THUMPD2: variants seen among roughly 807,000 people sequenced by gnomAD.
THUMPD2 encodes U6 snRNA (guanine-N(2))-methyltransferase THUMPD2.
Under a neutral mutation model 49.4 loss-of-function variants are expected in THUMPD2, and 56 were observed. The observed-to-expected ratio is 1.13, with a 90% CI of 0.91 to 1.41. THUMPD2 has a LOEUF of 1.41. Among genes scored for constraint, THUMPD2 ranks in the 40% most tolerant of loss-of-function variants. The pLI, the probability that THUMPD2 is intolerant of heterozygous loss-of-function variation, is 0.00. For missense variants in THUMPD2, 709 were observed against 594.5 expected, an observed-to-expected ratio of 1.19 and a Z score of -2.00; for synonymous variants, 237 against 205.2, an observed-to-expected ratio of 1.15 and a Z score of -1.32.
chr2:39,765,361 T>C (rs532405635), intron 5 of THUMPD2, among the ~76,000 whole-genome samples: 17 of 152,124 alleles, frequency 1.1e-4, no homozygotes, highest in Non-Finnish European at 2.2e-4. Context: ...GACTTCACCA[T>C]GTTGGTCAGG....
chr2:39,743,027 C>T (rs1203450300), intron 9 of THUMPD2, among the ~76,000 whole-genome samples: 4 of 152,124 alleles, frequency 2.6e-5, no homozygotes, highest in African/African-American at 7.2e-5. Context: ...AAGATAATCC[C>T]TAAAGAAGCA....
At chr2:39,752,441 T>C (rs12712653) in intron 8 of THUMPD2, among the ~76,000 whole-genome samples, 3 of 151,994 alleles carry the variant, frequency 2.0e-5, no homozygotes, top group African/African-American at 7.3e-5. Flanking sequence ...GGGATTCACA[T>C]ATCTCAACAC....
intron 3 of THUMPD2, chr2:39,769,082 C>T (rs570297255): frequency 7.7e-7 from 1 of 1,304,216 alleles, no homozygotes; most frequent in East Asian, 5.5e-5. Flanking sequence ...GTGACAATCC[C>T]ATGTACAGGA....
chr2:39,744,473 G>GCAATTCTGAAATATAGAAAT lies in THUMPD2; in HGVS notation c.1079-15_1083dup (p.Pro362IlefsTer29). On this transcript the variant is annotated frameshift_variant, in exon 9 of 10. Coordinates refer to ENST00000505747, the MANE Select transcript of THUMPD2 (RefSeq NM_025264.5). LOFTEE classifies it high-confidence loss of function. ...ATATCAACACTTTCTGAAGGCAATG[G>GCAATTCTGAAATATAGAAAT]CAATTCTGAAATATAGAAATCAGAG... The GCAATTCTGAAATATAGAAAT allele has an allele frequency of 6.4e-7, 1 of 1,559,216 alleles. No individual in the cohort carries two copies. The highest frequency in any genetic ancestry group is 8.7e-7 in the Non-Finnish European group (1 of 1,155,170).
rs187578123 is a variant in THUMPD2, at chr2:39,747,239, A to G, written c.1079-2761T>C. On this transcript the variant is annotated intron_variant, in intron 8 of 9. Transcript: ENST00000505747. ...CCACTATTCTATTTTCAAATGCTCT[A>G]TAACATTTTATTGTGGCCAAAATAT... Among the ~76,000 whole-genome samples the G allele has an allele frequency of 2.2e-3, 340 of 152,332 alleles. 1 individual carries two copies. The highest frequency in any genetic ancestry group is 7.2e-3 in the African/African-American group (300 of 41,572).
intron 1 of THUMPD2, among the ~76,000 whole-genome samples, chr2:39,776,272 G>C (rs1291888225): frequency 6.6e-6 from 1 of 151,866 alleles, no homozygotes; most frequent in Non-Finnish European, 1.5e-5. Context: ...CAACGAGAGG[G>C]GAGAAAAAAC....
chr2:39,747,472 C>T (rs1200066175), intron 8 of THUMPD2, among the ~76,000 whole-genome samples: 1 of 152,102 alleles, frequency 6.6e-6, no homozygotes, highest in Non-Finnish European at 1.5e-5. Flanking sequence ...TGGATTGGGT[C>T]ACCATACAGT....
intron 8 of THUMPD2, among the ~76,000 whole-genome samples, chr2:39,754,095 C>A (rs919307700): frequency 6.6e-6 from 1 of 152,160 alleles, no homozygotes; most frequent in African/African-American, 2.4e-5. Context: ...AGTACTCCCT[C>A]CTTCATGCCT....
intron 1 of THUMPD2, among the ~76,000 whole-genome samples, chr2:39,772,948 T>C (rs1401177849): frequency 2.0e-5 from 3 of 152,152 alleles, no homozygotes; most frequent in Admixed American, 6.5e-5. Context: ...CCTGAGGAAG[T>C]GCTAGATTGG....
At chr2:39,742,791 G>A (rs149871619) in intron 9 of THUMPD2, among the ~76,000 whole-genome samples, 22 of 152,284 alleles carry the variant, frequency 1.4e-4, no homozygotes, top group South Asian at 4.1e-4. Context: ...TAGCGCCTTC[G>A]TGGGGAGGGG....
intron 9 of THUMPD2, 70 bp downstream of exon 9, chr2:39,744,300 A>C: frequency 1.2e-6 from 1 of 813,450 alleles, no homozygotes; most frequent in South Asian, 2.2e-5. Context: ...CCTTAACTGA[A>C]GAGCTATGAT....
intron 6 of THUMPD2, chr2:39,757,117 C>T (rs1410793768): frequency 9.5e-6 from 3 of 315,770 alleles, no homozygotes; most frequent in East Asian, 1.7e-4. Flanking sequence ...TGTACTCTTA[C>T]AGGAATGAGA....
chr2:39,759,078 T>C (rs1264564019), intron 6 of THUMPD2, among the ~76,000 whole-genome samples: 1 of 151,864 alleles, frequency 6.6e-6, no homozygotes, highest in African/African-American at 2.4e-5. Context: ...AGGGCCAAAA[T>C]ATAAAGAGAG....
intron 5 of THUMPD2, among the ~76,000 whole-genome samples, chr2:39,764,642 T>G (rs59757140): frequency 0.016 from 2,397 of 152,334 alleles, 48 homozygotes; most frequent in East Asian, 0.069. Context: ...TTTCTTCTGT[T>G]GTTAGGGTCA....
At chr2:39,739,666 T>C (rs138946628) in intron 9 of THUMPD2, among the ~76,000 whole-genome samples, 228 of 152,228 alleles carry the variant, frequency 1.5e-3, no homozygotes, top group Middle Eastern at 0.014. Context: ...TCCAAACGTG[T>C]CTGGGGAAGG....
At position 39,737,064 on chromosome 2, in the gene THUMPD2, G is replaced by C. The variant is rs371461123; in HGVS notation, c.1188-5C>G. The C allele has an allele frequency of 5.8e-5, 91 of 1,565,534 alleles. No homozygotes were observed. In the African/African-American group the frequency reaches 1.2e-3, roughly 21 times the overall value. On this transcript the variant is annotated splice_region_variant and splice_polypyrimidine_tract_variant and intron_variant, in intron 9 of 9. Coordinates refer to ENST00000505747, the MANE Select transcript of THUMPD2 (RefSeq NM_025264.5). ...GTTCCGCCAACATGAAGCACTCTGT[G>C]ACAAAAAAAAAATGGTAATTGCTAT...
chr2:39,754,908 A>G (rs1191637603), intron 8 of THUMPD2, among the ~76,000 whole-genome samples: 1 of 152,240 alleles, frequency 6.6e-6, no homozygotes, highest in East Asian at 1.9e-4. Flanking sequence ...CAAGACAGTA[A>G]GATAATTCAG....
chr2:39,760,748 G>C (rs994080170), intron 6 of THUMPD2, among the ~76,000 whole-genome samples: 1 of 152,038 alleles, frequency 6.6e-6, no homozygotes, highest in African/African-American at 2.4e-5. Context: ...CCAAGATAAA[G>C]AGGACTTAAG....
At position 39,736,354 on chromosome 2, in the gene THUMPD2, GT is replaced by G. The variant is rs1448345145; in HGVS notation, c.*380del. The G allele has an allele frequency of 6.2e-6, 1 of 160,284 alleles. No homozygotes were observed. The highest frequency in any genetic ancestry group is 1.4e-5 in the Non-Finnish European group (1 of 73,734). 9.9% of individuals were successfully genotyped at this position (160,284 alleles called of 1,614,324 possible). On this transcript the variant is annotated 3_prime_UTR_variant, in exon 10 of 10. Coordinates refer to ENST00000505747, the MANE Select transcript of THUMPD2 (RefSeq NM_025264.5). ...ATATCAAAAGAAGTTACACATAAAG[GT>G]TTTTACATTTCCGAAAATCTGATAG...
Sources: gnomAD v4.1 joint callset for allele counts (sites outside exome capture counted in the v4.1 genomes callset) on GRCh38, gnomAD v4.1.1 for gene constraint, MANE v1.5 for transcripts, NCBI Gene and HGNC (gene_info 2026-07-23, HGNC 2026-07-21) for gene names.